Variants in FGF1 observed in about 807,000 individuals in gnomAD.
The protein encoded by FGF1 is fibroblast growth factor 1.
In FGF1, 9 loss-of-function variants were observed where a neutral mutation model predicts 13.4. That is an observed-to-expected ratio of 0.67 (90% CI 0.40 to 1.17). FGF1 has a LOEUF of 1.17. FGF1 is among the 50% of genes most tolerant of loss of function. The pLI, the probability that FGF1 is intolerant of heterozygous loss-of-function variation, is 0.01. For missense variants in FGF1, 156 were observed against 192.7 expected (o/e 0.81, Z 1.13); for synonymous variants, 93 against 79.0 (o/e 1.18, Z -0.94).
intron 1 of FGF1, among the ~76,000 whole-genome samples, chr5:142,614,849 A>G (rs1415913739): frequency 6.6e-6 from 1 of 152,194 alleles, no homozygotes; most frequent in East Asian, 1.9e-4. Flanking sequence ...ATCATTATGA[A>G]GGCTATGCCT....
chr5:142,688,976 T>C (rs569081339), upstream of FGF1, among the ~76,000 whole-genome samples: 80 of 152,340 alleles, frequency 5.3e-4, no homozygotes, highest in African/African-American at 1.8e-3. Context: ...CATATAACTA[T>C]CACATTTTAA....
intron 1 of FGF1, among the ~76,000 whole-genome samples, chr5:142,676,131 A>G (rs1187908201): frequency 6.6e-6 from 1 of 152,214 alleles, no homozygotes; most frequent in Non-Finnish European, 1.5e-5. Flanking sequence ...TTCCCCTGGA[A>G]GAAAAAAGGC....
rs1448713821 is a variant in FGF1, at chr5:142,593,273, C to G, written c.*2017G>C. The stretch of plus-strand genomic sequence containing the variant: ...ATCTTCATACTAAAGAGACGTTAAG[C>G]CACACTGCATTTTCTCTAACTTGCC... On this transcript the variant is annotated 3_prime_UTR_variant, in exon 4 of 4. Transcript: ENST00000337706. 6 of 152,144 alleles carry G rather than the reference C, an allele frequency of 3.9e-5. No homozygotes were observed. Among genetic ancestry groups the G allele is most frequent in the Non-Finnish European group, 7.4e-5 (5 of 68,022 alleles). The allele number at this position is 152,144 out of a possible 1,614,324, so 9.4% of individuals were successfully genotyped here.
intron 1 of FGF1, among the ~76,000 whole-genome samples, chr5:142,685,029 C>T (rs17223156): frequency 0.19 from 28,753 of 152,142 alleles, 3,240 homozygotes; most frequent in Non-Finnish European, 0.25. Context: ...AGCCCTTGGG[C>T]CTCCCTTGGG....
At chr5:142,630,788 C>A (rs2151925706) in intron 1 of FGF1, among the ~76,000 whole-genome samples, 1 of 152,332 alleles carries the variant, frequency 6.6e-6, no homozygotes, top group Middle Eastern at 3.4e-3. Flanking sequence ...AGTACCACCA[C>A]CTCAGAGGTC....
upstream of FGF1, among the ~76,000 whole-genome samples, chr5:142,689,931 G>C (rs925360184): frequency 6.7e-6 from 1 of 150,116 alleles, no homozygotes; most frequent in African/African-American, 2.4e-5. Context: ...TCGATCTCCT[G>C]ATCTCGTGAT....
At chr5:142,627,404 C>G (rs1267648974) in intron 1 of FGF1, among the ~76,000 whole-genome samples, 12 of 152,154 alleles carry the variant, frequency 7.9e-5, no homozygotes. Flanking sequence ...ATCCCCATTT[C>G]CAAGGGGCCC....
chr5:142,608,510 G>GCATATACATATATATAAATATATATA (rs1758206811), intron 2 of FGF1, among the ~76,000 whole-genome samples: 1 of 103,852 alleles, frequency 9.6e-6, no homozygotes, highest in African/African-American at 3.2e-5. Context: ...ATATATATAT[G>GCATATACATATATATAAATATATATA]CATATACATA....
chr5:142,607,655 G>A (rs10078880), intron 2 of FGF1, among the ~76,000 whole-genome samples: 11,984 of 152,200 alleles, frequency 0.079, 794 homozygotes, highest in East Asian at 0.18. Flanking sequence ...GTATGTGCCC[G>A]CAATAGAATC....
chr5:142,654,776 C>CCAA (rs1436195621), intron 1 of FGF1, among the ~76,000 whole-genome samples: 2 of 152,208 alleles, frequency 1.3e-5, no homozygotes, highest in African/African-American at 4.8e-5. Flanking sequence ...CTTCCAGGGG[C>CCAA]CAATCTCCCT....
intron 2 of FGF1, among the ~76,000 whole-genome samples, chr5:142,693,504 C>A (rs1406849488): frequency 6.6e-6 from 1 of 152,086 alleles, no homozygotes; most frequent in Non-Finnish European, 1.5e-5. Flanking sequence ...ATTGGCCAGG[C>A]TGGTTTGGGT....
At chr5:142,682,895 C>T (rs771373220) in intron 1 of FGF1, among the ~76,000 whole-genome samples, 3 of 152,084 alleles carry the variant, frequency 2.0e-5, no homozygotes, top group Non-Finnish European at 4.4e-5. Flanking sequence ...ACCTTGGACT[C>T]CTTTGCTTAT....
chr5:142,648,363 T>C (rs969555324), intron 1 of FGF1, among the ~76,000 whole-genome samples: 3 of 152,052 alleles, frequency 2.0e-5, no homozygotes, highest in African/African-American at 7.2e-5. Context: ...TGCAGGGACA[T>C]GGATGAAGCT....
rs1343286807 is a variant in FGF1 at position 142,618,921 on chromosome 5, G to GTTTTTTT, written c.-34-4761_-34-4760insAAAAAAA. On this transcript the variant is annotated intron_variant, in intron 1 of 3. Coordinates refer to ENST00000337706, the MANE Select transcript of FGF1 (RefSeq NM_000800.5). The stretch of plus-strand genomic sequence containing the variant: ...GGCAAACACTGACATTTATTTTTTA[G>GTTTTTTT]TTGTTTTGTTTTTTTTTTTTTTTTT... 6.2e-4 allele frequency among the ~76,000 whole-genome samples: 67 copies of GTTTTTTT among 108,358 alleles called. 2 individuals carry two copies. The highest frequency in any genetic ancestry group is 1.9e-3 in the African/African-American group (58 of 30,666). The allele number at this position is 108,358 out of a possible 152,430, so 71.1% of individuals were successfully genotyped here. A position where few individuals can be genotyped will look rare whatever the true frequency, so the allele number is the denominator to read the frequency against.
intron 1 of FGF1, among the ~76,000 whole-genome samples, chr5:142,643,376 T>C (rs1431465218): frequency 6.6e-6 from 1 of 152,110 alleles, no homozygotes; most frequent in African/African-American, 2.4e-5. Context: ...GATTTTTGTT[T>C]TCTTCTTTAT....
intron 1 of FGF1, among the ~76,000 whole-genome samples, chr5:142,666,775 AT>A (rs375629177): frequency 1.5e-4 from 23 of 149,076 alleles, no homozygotes; most frequent in African/African-American, 2.5e-4. Context: ...TTATCTCTAC[AT>A]TTTTTTTTTA....
rs17217562 is a variant in FGF1, at chr5:142,595,088, T to G, written c.*202A>C. 2,397 of 465,638 alleles carry G rather than the reference T, an allele frequency of 5.1e-3. 85 individuals are homozygous for G. In the East Asian group the frequency reaches 0.073, roughly 14 times the overall value. 28.8% of individuals were successfully genotyped at this position (465,638 alleles called of 1,614,324 possible). On this transcript the variant is annotated 3_prime_UTR_variant, in exon 4 of 4. Coordinates refer to ENST00000337706, the MANE Select transcript of FGF1 (RefSeq NM_000800.5). ...CAGCCAGTTGACTCCTAGAAGCAAT[T>G]TGGTCCCTCTGTTCTAAACTGTGCA...
intron 1 of FGF1, among the ~76,000 whole-genome samples, chr5:142,631,415 C>T (rs972229647): frequency 1.3e-5 from 2 of 152,106 alleles, no homozygotes; most frequent in African/African-American, 4.8e-5. Context: ...GGCCTTTTTC[C>T]TCAGGGCAAA....
At chr5:142,660,362 A>G (rs1348249557) in intron 1 of FGF1, among the ~76,000 whole-genome samples, 3 of 152,014 alleles carry the variant, frequency 2.0e-5, no homozygotes, top group Non-Finnish European at 4.4e-5. Context: ...GTGGCTGCCC[A>G]CCCTTTGGCC....
Sources: allele counts gnomAD v4.1 joint callset (sites outside exome capture counted in the v4.1 genomes callset), GRCh38; gene constraint gnomAD v4.1.1; transcripts MANE v1.5; gene names NCBI Gene and HGNC (gene_info 2026-07-23, HGNC 2026-07-21).